Variants in GRID2 observed in about 807,000 individuals in gnomAD.
The protein encoded by GRID2 is glutamate ionotropic receptor delta type subunit 2.
A neutral mutation model predicts 114.8 loss-of-function variants in GRID2; 33 were observed. The observed-to-expected ratio is 0.29, with a 90% CI of 0.22 to 0.38. The LOEUF (loss-of-function observed/expected upper bound fraction) is 0.38. GRID2 is among the 10% of genes least tolerant of loss of function. GRID2 has a pLI of 1.00. For missense variants in GRID2, 1,184 were observed against 1,257.7 expected (o/e 0.94, Z 0.89); for synonymous variants, 505 against 449.9 (o/e 1.12, Z -1.55).
chr4:92,557,645 T>TTTTA (rs1553949920), intron 1 of GRID2, among the ~76,000 whole-genome samples: 2 of 142,680 alleles, frequency 1.4e-5, no homozygotes, highest in African/African-American at 2.7e-5. Context: ...ATATATATGG[T>TTTTA]TATATATATA....
intron 8 of GRID2, among the ~76,000 whole-genome samples, chr4:93,323,104 G>A (rs546500342): frequency 6.1e-4 from 93 of 152,074 alleles, no homozygotes; most frequent in Non-Finnish European, 1.2e-3. Flanking sequence ...TGGTGTTTTC[G>A]TCAGGAAGTC....
intron 14 of GRID2, among the ~76,000 whole-genome samples, chr4:93,683,130 C>G (rs556556946): frequency 6.6e-6 from 1 of 151,898 alleles, no homozygotes; most frequent in South Asian, 2.1e-4. Flanking sequence ...AAAAAGCTCT[C>G]TATTTGCCAT....
intron 2 of GRID2, among the ~76,000 whole-genome samples, chr4:92,694,589 G>C (rs905404051): frequency 1.3e-5 from 2 of 151,994 alleles, no homozygotes; most frequent in Non-Finnish European, 2.9e-5. Flanking sequence ...TTGAAGGGTG[G>C]TTTGATAATT....
chr4:93,605,455 T>A (rs1221111046), intron 13 of GRID2, among the ~76,000 whole-genome samples: 1 of 152,208 alleles, frequency 6.6e-6, no homozygotes, highest in Non-Finnish European at 1.5e-5. Context: ...GTAACTTAAA[T>A]ACCTTTATTC....
At chr4:93,807,449 C>G (rs1735054621) in exon 2 of GRID2, 1 of 152,134 alleles carries the variant, frequency 6.6e-6, no homozygotes, top group South Asian at 2.1e-4. Flanking sequence ...TTCATACTTA[C>G]CAAAATTGGC....
intron 1 of GRID2, among the ~76,000 whole-genome samples, chr4:92,576,313 A>G (rs1677440685): frequency 6.6e-6 from 1 of 152,126 alleles, no homozygotes; most frequent in African/African-American, 2.4e-5. Context: ...CAAAACCCAC[A>G]AGCTGGAATA....
intron 13 of GRID2, among the ~76,000 whole-genome samples, chr4:93,560,210 C>T (rs1380283075): frequency 6.6e-5 from 5 of 75,926 alleles, no homozygotes; most frequent in Admixed American, 2.0e-4. Flanking sequence ...GCATGTATTC[C>T]AGAACTTAAA....
intron 2 of GRID2, among the ~76,000 whole-genome samples, chr4:92,717,398 A>G (rs1735602529): frequency 6.6e-6 from 1 of 152,220 alleles, no homozygotes; most frequent in Non-Finnish European, 1.5e-5. Context: ...AAAATTAGTT[A>G]TCTTACATTC....
chr4:92,652,873 T>TAC (rs1732018484), intron 2 of GRID2, among the ~76,000 whole-genome samples: 1 of 75,852 alleles, frequency 1.3e-5, no homozygotes, highest in Non-Finnish European at 2.8e-5. Context: ...TACATATAAA[T>TAC]ATATAAAAAT....
chr4:93,093,771 C>T (rs746039879), intron 3 of GRID2, among the ~76,000 whole-genome samples: 6 of 151,880 alleles, frequency 4.0e-5, no homozygotes, highest in South Asian at 2.1e-4. Flanking sequence ...AATATTGATA[C>T]GTGCCTAGGG....
chr4:92,608,328 T>C (rs2149225880), intron 2 of GRID2, among the ~76,000 whole-genome samples: 1 of 151,962 alleles, frequency 6.6e-6, no homozygotes, highest in African/African-American at 2.4e-5. Flanking sequence ...TCAATCTTCA[T>C]ATACCAAAGT....
At chr4:92,835,087 A>T (rs897228383) in intron 2 of GRID2, among the ~76,000 whole-genome samples, 1 of 152,104 alleles carries the variant, frequency 6.6e-6, no homozygotes, top group African/African-American at 2.4e-5. Flanking sequence ...GAATCACAAA[A>T]TTTTAATATG....
chr4:93,289,792 A>AG (rs1753546209), intron 8 of GRID2, among the ~76,000 whole-genome samples: 1 of 152,102 alleles, frequency 6.6e-6, no homozygotes, highest in Non-Finnish European at 1.5e-5. Flanking sequence ...CCAGGCCATT[A>AG]TTGTTATTTG....
At chr4:93,576,162 A>G (rs961166337) in intron 13 of GRID2, among the ~76,000 whole-genome samples, 2 of 152,208 alleles carry the variant, frequency 1.3e-5, no homozygotes, top group African/African-American at 4.8e-5. Flanking sequence ...ATAGGCACTC[A>G]ATGATAGTCA....
chr4:92,391,146 G>A (rs1313907361), intron 1 of GRID2, among the ~76,000 whole-genome samples: 1 of 152,122 alleles, frequency 6.6e-6, no homozygotes, highest in Non-Finnish European at 1.5e-5. Flanking sequence ...TTAGAAAGTG[G>A]CCCAGAATGA....
chr4:92,536,129 C>T (rs1304792745), intron 1 of GRID2, among the ~76,000 whole-genome samples: 1 of 152,198 alleles, frequency 6.6e-6, no homozygotes, highest in East Asian at 1.9e-4. Context: ...GCGCCGGTGG[C>T]CTGCTTTTAT....
chr4:92,391,528 T>C (rs2110261052), intron 1 of GRID2, among the ~76,000 whole-genome samples: 1 of 152,166 alleles, frequency 6.6e-6, no homozygotes, highest in East Asian at 1.9e-4. Flanking sequence ...AATATTGAGA[T>C]TGTAAAAAAA....
At chr4:92,675,332 C>T (rs1057455843) in intron 2 of GRID2, among the ~76,000 whole-genome samples, 2 of 152,136 alleles carry the variant, frequency 1.3e-5, no homozygotes, top group Non-Finnish European at 2.9e-5. Context: ...CCTATGGTTT[C>T]TGACTGAAAT....
intron 2 of GRID2, among the ~76,000 whole-genome samples, chr4:92,967,078 A>G (rs1186284871): frequency 6.6e-6 from 1 of 151,316 alleles, no homozygotes; most frequent in Non-Finnish European, 1.5e-5. Context: ...TACCCACTTT[A>G]TATGTACTCT....
Sources: allele counts gnomAD v4.1 joint callset (sites outside exome capture counted in the v4.1 genomes callset), GRCh38; gene constraint gnomAD v4.1.1; transcripts MANE v1.5; gene names NCBI Gene and HGNC (gene_info 2026-07-23, HGNC 2026-07-21).